Variants in TIAM2 observed in about 807,000 individuals in gnomAD.
TIAM2 encodes the protein TIAM Rac1 associated GEF 2.
In TIAM2, 80 loss-of-function variants were observed where a neutral mutation model predicts 152.9. That is an observed-to-expected ratio of 0.52 (90% CI 0.44 to 0.63). TIAM2 has a LOEUF of 0.63. TIAM2 is among the 30% of genes least tolerant of loss of function. TIAM2 has a pLI of 0.00. For synonymous variants in TIAM2, 804 were observed against 838.0 expected (o/e 0.96, Z 0.70); for missense variants, 1,965 against 2,120.1 (o/e 0.93, Z 1.44).
intron 5 of TIAM2, among the ~76,000 whole-genome samples, chr6:155,142,774 T>C (rs146652530): frequency 3.3e-5 from 5 of 152,344 alleles, no homozygotes; most frequent in African/African-American, 1.2e-4. Context: ...TGAGTTTTAT[T>C]TGCGGGGAGG....
intron 1 of TIAM2, among the ~76,000 whole-genome samples, chr6:155,000,750 C>T (rs907551745): frequency 2.0e-5 from 3 of 152,012 alleles, no homozygotes; most frequent in African/African-American, 7.2e-5. Context: ...TCTGGGAGGC[C>T]GACGCTGGGG....
At chr6:155,053,485 A>T (rs28414994) in intron 1 of TIAM2, among the ~76,000 whole-genome samples, 56,923 of 112,700 alleles carry the variant, frequency 0.51, 11,165 homozygotes, top group Middle Eastern at 0.54. Context: ...TTTTTTTTTT[A>T]AATTTAGACA....
intron 9 of TIAM2, among the ~76,000 whole-genome samples, chr6:155,170,903 A>G (rs577136369): frequency 5.3e-5 from 8 of 152,328 alleles, no homozygotes; most frequent in East Asian, 1.9e-4. Flanking sequence ...TTTCTGTGCT[A>G]TCGTACCCAG....
intron 4 of TIAM2, among the ~76,000 whole-genome samples, chr6:155,130,985 G>A (rs557541071): frequency 6.6e-6 from 1 of 152,160 alleles, no homozygotes; most frequent in Non-Finnish European, 1.5e-5. Flanking sequence ...TTGGGGAGGG[G>A]GGAAACAAAT....
intron 1 of TIAM2, among the ~76,000 whole-genome samples, chr6:155,061,159 GTT>G (rs201720650): frequency 9.8e-3 from 1,474 of 150,338 alleles, no homozygotes; most frequent in African/African-American, 0.035. Context: ...GAGCTAGGAA[GTT>G]TTTGTATGCA....
At chr6:155,041,992 T>C (rs565044497) in intron 1 of TIAM2, among the ~76,000 whole-genome samples, 21 of 152,330 alleles carry the variant, frequency 1.4e-4, no homozygotes, top group Admixed American at 7.8e-4. Flanking sequence ...CGTTGCAGTT[T>C]TACTCGACTT....
intron 26 of TIAM2, 188 bp downstream of exon 26, chr6:155,254,761 A>C (rs1583295255): frequency 6.3e-6 from 4 of 636,708 alleles, no homozygotes; most frequent in Non-Finnish European, 1.0e-5. Flanking sequence ...GCCACCCCCA[A>C]CCCCCAGTCC....
At chr6:155,140,785 C>T (rs774299898) in intron 5 of TIAM2, among the ~76,000 whole-genome samples, 14 of 152,000 alleles carry the variant, frequency 9.2e-5, no homozygotes, top group Non-Finnish European at 1.6e-4. Flanking sequence ...TCTGGGTCTG[C>T]AGAGGTTAGG....
intron 15 of TIAM2, among the ~76,000 whole-genome samples, chr6:155,225,290 T>C (rs971741561): frequency 2.6e-5 from 4 of 152,188 alleles, no homozygotes; most frequent in South Asian, 2.1e-4. Flanking sequence ...TCTTGGTTCA[T>C]TCAGGCATAG....
intron 19 of TIAM2, among the ~76,000 whole-genome samples, chr6:155,246,475 T>A (rs1008746608): frequency 3.3e-5 from 5 of 152,176 alleles, no homozygotes; most frequent in African/African-American, 4.8e-5. Flanking sequence ...ACCCTCTTTT[T>A]AATTAAATTT....
At chr6:155,178,486 C>T (rs1291856889) in intron 10 of TIAM2, among the ~76,000 whole-genome samples, 1 of 152,142 alleles carries the variant, frequency 6.6e-6, no homozygotes. Context: ...AAATGCATCT[C>T]TTGCCTTTAA....
intron 14 of TIAM2, among the ~76,000 whole-genome samples, chr6:155,194,428 A>AAG (rs1373687684): frequency 6.6e-6 from 1 of 152,130 alleles, no homozygotes; most frequent in Non-Finnish European, 1.5e-5. Flanking sequence ...CCAGCCAGGG[A>AAG]AGGGCATTGC....
chr6:155,253,904 T>C, intron 24 of TIAM2, 69 bp from the exon 25 acceptor site: 2 of 1,205,364 alleles, frequency 1.7e-6, no homozygotes, highest in South Asian at 2.8e-5. Flanking sequence ...ATTTCAACTT[T>C]ACAAGTGTTC....
chr6:155,004,076 C>G (rs1366208659), intron 1 of TIAM2, among the ~76,000 whole-genome samples: 2 of 152,124 alleles, frequency 1.3e-5, no homozygotes, highest in South Asian at 2.1e-4. Flanking sequence ...GGGGTTTTGC[C>G]CTGTTGGCCA....
At chr6:155,125,771 G>T (rs1369133034) in intron 2 of TIAM2, among the ~76,000 whole-genome samples, 3 of 151,744 alleles carry the variant, frequency 2.0e-5, no homozygotes, top group African/African-American at 7.3e-5. Context: ...CTGGGAGGCG[G>T]AGGTTGCAGT....
At chr6:155,096,970 A>C (rs924074819) in intron 2 of TIAM2, among the ~76,000 whole-genome samples, 1 of 152,184 alleles carries the variant, frequency 6.6e-6, no homozygotes, top group Non-Finnish European at 1.5e-5. Context: ...TCCTTCAAAG[A>C]GTGTACAAGG....
At chr6:155,093,309 A>G (rs984800613) in intron 2 of TIAM2, among the ~76,000 whole-genome samples, 6 of 152,174 alleles carry the variant, frequency 3.9e-5, no homozygotes, top group Non-Finnish European at 8.8e-5. Context: ...AATAATCCTG[A>G]GTGTCCTTCT....
At chr6:155,187,199 T>C (rs1463060755) in intron 14 of TIAM2, among the ~76,000 whole-genome samples, 2 of 152,118 alleles carry the variant, frequency 1.3e-5, no homozygotes, top group African/African-American at 4.8e-5. Flanking sequence ...TTCAGTCATA[T>C]CCTGAAGTTT....
intron 16 of TIAM2, among the ~76,000 whole-genome samples, chr6:155,242,003 C>A (rs1419982108): frequency 6.6e-6 from 1 of 152,180 alleles, no homozygotes; most frequent in Non-Finnish European, 1.5e-5. Context: ...TCCTGTTAGG[C>A]CACGCTGTAC....
Sources: gnomAD v4.1 joint callset for allele counts (sites outside exome capture counted in the v4.1 genomes callset) on GRCh38, gnomAD v4.1.1 for gene constraint, MANE v1.5 for transcripts, NCBI Gene and HGNC (gene_info 2026-07-23, HGNC 2026-07-21) for gene names.